Variants in PAK5 observed in about 807,000 individuals in gnomAD.
The protein encoded by PAK5 is serine/threonine-protein kinase PAK 5.
A neutral mutation model predicts 65.9 loss-of-function variants in PAK5; 16 were observed. The ratio of observed to expected loss-of-function variants is 0.24; its 90% CI spans 0.16 to 0.37. The LOEUF is 0.37. PAK5 is among the 10% of genes least tolerant of loss of function. The pLI, the probability that PAK5 is intolerant of heterozygous loss-of-function variation, is 1.00. For missense variants in PAK5, 785 were observed against 903.9 expected (o/e 0.87, Z 1.69); for synonymous variants, 371 against 354.9 (o/e 1.05, Z -0.51).
At chr20:9,671,089 T>C (rs980632716) in intron 2 of PAK5, among the ~76,000 whole-genome samples, 4 of 152,182 alleles carry the variant, frequency 2.6e-5, no homozygotes, top group South Asian at 4.1e-4. Context: ...GTTGTAGATA[T>C]GCGGCATTAT....
At chr20:9,762,941 G>A (rs2048716419) in intron 1 of PAK5, among the ~76,000 whole-genome samples, 1 of 152,060 alleles carries the variant, frequency 6.6e-6, no homozygotes, top group African/African-American at 2.4e-5. Flanking sequence ...CTTAAAAAAA[G>A]AAACAAATCC....
chr20:9,773,187 A>T (rs16996393), intron 1 of PAK5, among the ~76,000 whole-genome samples: 56,259 of 151,958 alleles, frequency 0.37, 11,097 homozygotes, highest in African/African-American at 0.51. Context: ...CCACTTGAAT[A>T]ATCACAGAAA....
At chr20:9,755,257 T>A (rs1175011466) in intron 1 of PAK5, among the ~76,000 whole-genome samples, 2 of 152,242 alleles carry the variant, frequency 1.3e-5, no homozygotes, top group Admixed American at 1.3e-4. Flanking sequence ...GTAAAATCTT[T>A]GCAAGTGCCA....
rs568351190 is a variant in PAK5 at position 9,602,494 on chromosome 20, C to T, written c.205-21564G>A. Among the ~76,000 whole-genome samples, 4 of 152,228 alleles carry T rather than the reference C, an allele frequency of 2.6e-5. No homozygotes were observed. The South Asian group carries it at 6.2e-4, about 24-fold the overall frequency. ...GGATGTGCTTACTACAGATGCTCAC[C>T]TGTCATGAATTAATTATCTTTATGG... On this transcript the variant is annotated intron_variant, in intron 3 of 9. Transcript: ENST00000353224.
In PAK5 at chr20:9,763,701, C is replaced by CA. The variant is rs1569077808; in HGVS notation, c.-161-52267_-161-52266insT. ...AAAAATGGAACAAACAGTATTTTCCCGTTTTTTTTATTTTGAAACATTTCA... is the reference window on the plus strand; with the variant it reads ...AAAAATGGAACAAACAGTATTTTCCCAGTTTTTTTTATTTTGAAACATTTCA... On this transcript the variant is annotated intron_variant, in intron 1 of 9. Transcript: ENST00000353224. Among the ~76,000 whole-genome samples, 104 of 152,086 alleles carry CA rather than the reference C, an allele frequency of 6.8e-4. 1 individual carries two copies. The highest frequency in any genetic ancestry group is 2.3e-3 in the African/African-American group (94 of 41,512).
chr20:9,656,474 C>G (rs928983984), intron 2 of PAK5, among the ~76,000 whole-genome samples: 3 of 152,008 alleles, frequency 2.0e-5, no homozygotes, highest in Non-Finnish European at 4.4e-5. Flanking sequence ...TTGATTTTTT[C>G]CTTGTATGTT....
chr20:9,668,608 A>G (rs2047451086), intron 2 of PAK5, among the ~76,000 whole-genome samples: 1 of 152,176 alleles, frequency 6.6e-6, no homozygotes, highest in Admixed American at 6.6e-5. Flanking sequence ...GAACCTGTGA[A>G]TTTTACGAGA....
chr20:9,757,918 C>G (rs1463686226), intron 1 of PAK5, among the ~76,000 whole-genome samples: 1 of 152,118 alleles, frequency 6.6e-6, no homozygotes, highest in African/African-American at 2.4e-5. Flanking sequence ...TTTTAGACGC[C>G]AAGCCTCACA....
chr20:9,614,201 T>A (rs767742822), intron 3 of PAK5, among the ~76,000 whole-genome samples: 2 of 151,996 alleles, frequency 1.3e-5, no homozygotes, highest in Non-Finnish European at 2.9e-5. Flanking sequence ...CACTAACAAA[T>A]GAAGGATGCT....
chr20:9,811,025 C>A (rs1175414023), intron 1 of PAK5, among the ~76,000 whole-genome samples: 1 of 152,096 alleles, frequency 6.6e-6, no homozygotes, highest in Non-Finnish European at 1.5e-5. Context: ...GCAATAGAAG[C>A]AGTATAATGG....
intron 4 of PAK5, among the ~76,000 whole-genome samples, chr20:9,571,262 C>T (rs903265967): frequency 6.6e-6 from 1 of 152,224 alleles, no homozygotes; most frequent in Non-Finnish European, 1.5e-5. Context: ...AGGTGCTGAA[C>T]CATTGCCTTC....
chr20:9,711,686 A>T (rs947837599), intron 1 of PAK5, among the ~76,000 whole-genome samples: 1 of 152,152 alleles, frequency 6.6e-6, no homozygotes, highest in Non-Finnish European at 1.5e-5. Context: ...GTGAATAATT[A>T]TTCTATTACA....
In PAK5 at chr20:9,838,468, C is replaced by A. The variant is rs1042497331; in HGVS notation, c.-162+294G>T. On this transcript the variant is annotated intron_variant, in intron 1 of 9. Coordinates refer to ENST00000353224, the MANE Select transcript of PAK5 (RefSeq NM_177990.4). This position sits in a 1 kb window ranked among gnomAD's most constrained non-coding sequence, Gnocchi z 4.5. ...AGGGCTGGAATCCGGGGTTCTCCTCCACGCCCTCCCGCCCAGCAAAATGGA... is the reference window on the plus strand; with the variant it reads ...AGGGCTGGAATCCGGGGTTCTCCTCAACGCCCTCCCGCCCAGCAAAATGGA... Among the ~76,000 whole-genome samples the A allele has an allele frequency of 2.6e-5, 4 of 152,178 alleles. No individual in the cohort carries two copies. The highest frequency in any genetic ancestry group is 7.2e-5 in the African/African-American group (3 of 41,452).
chr20:9,549,780 T>C (rs1395685278), intron 7 of PAK5, among the ~76,000 whole-genome samples: 1 of 152,186 alleles, frequency 6.6e-6, no homozygotes, highest in African/African-American at 2.4e-5. Context: ...TTCTGTAAAG[T>C]GCCGATTTGC....
At chr20:9,647,807 T>G (rs906915175) in intron 2 of PAK5, among the ~76,000 whole-genome samples, 8 of 152,186 alleles carry the variant, frequency 5.3e-5, no homozygotes, top group Admixed American at 4.6e-4. Context: ...TGAAGCAATA[T>G]TCCTGGGAAG....
At chr20:9,736,779 C>G (rs1210216882) in intron 1 of PAK5, among the ~76,000 whole-genome samples, 2 of 152,140 alleles carry the variant, frequency 1.3e-5, no homozygotes, top group Non-Finnish European at 2.9e-5. Flanking sequence ...TCAGAGAATT[C>G]TGAAGTCTGG....
At chr20:9,565,603 G>T (rs908450418) in intron 5 of PAK5, among the ~76,000 whole-genome samples, 2 of 152,278 alleles carry the variant, frequency 1.3e-5, no homozygotes, top group Admixed American at 6.5e-5. Context: ...CTGAGTCCAG[G>T]TTTCCTTGTA....
intron 2 of PAK5, among the ~76,000 whole-genome samples, chr20:9,694,882 G>A (rs1442006456): frequency 6.6e-6 from 1 of 152,024 alleles, no homozygotes; most frequent in Non-Finnish European, 1.5e-5. Flanking sequence ...TTGGTGACAT[G>A]TATGATGCAT....
chr20:9,801,187 G>A (rs989344001), intron 1 of PAK5, among the ~76,000 whole-genome samples: 5 of 152,010 alleles, frequency 3.3e-5, no homozygotes, highest in African/African-American at 9.7e-5. Flanking sequence ...GGTCATGGCT[G>A]GGGTAATTTA....
Sources: allele counts gnomAD v4.1 joint callset (sites outside exome capture counted in the v4.1 genomes callset), GRCh38; gene constraint gnomAD v4.1.1; non-coding constraint Gnocchi (gnomAD v3.1); transcripts MANE v1.5; gene names NCBI Gene and HGNC (gene_info 2026-07-23, HGNC 2026-07-21).